RASGEF1A: variants seen among roughly 807,000 people sequenced by gnomAD.
RASGEF1A encodes the protein RasGEF domain family member 1A.
In RASGEF1A, 18 loss-of-function variants were observed where a neutral mutation model predicts 56.4. That is an observed-to-expected ratio of 0.32 (90% CI 0.22 to 0.47). The LOEUF is 0.47. Ranked by LOEUF, RASGEF1A falls within the 20% of genes least tolerant of loss-of-function variation. The pLI is 1.00. For synonymous variants in RASGEF1A, 245 were observed against 242.6 expected, an observed-to-expected ratio of 1.01 and a Z score of -0.09; for missense variants, 422 against 627.1, an observed-to-expected ratio of 0.67 and a Z score of 3.49.
At chr10:43,248,764 T>C (rs1840594735) in intron 1 of RASGEF1A, among the ~76,000 whole-genome samples, 3 of 152,224 alleles carry the variant, frequency 2.0e-5, no homozygotes, top group African/African-American at 4.8e-5. Context: ...ATGGTATTCA[T>C]TCATCCAATA....
chr10:43,254,509 G>A (rs1047652499), intron 1 of RASGEF1A, among the ~76,000 whole-genome samples: 3 of 152,194 alleles, frequency 2.0e-5, no homozygotes, highest in Admixed American at 1.3e-4. Flanking sequence ...CGGGCCTCAC[G>A]GCTGCACCGC....
chr10:43,240,321 A>C (rs1231657289), intron 1 of RASGEF1A, among the ~76,000 whole-genome samples: 2 of 152,352 alleles, frequency 1.3e-5, no homozygotes, highest in African/African-American at 4.8e-5. Flanking sequence ...CACAAAACAA[A>C]CAACCATTAC....
chr10:43,203,542 C>G, intron 2 of RASGEF1A, 122 bp from the exon 3 acceptor site: 1 of 1,392,272 alleles, frequency 7.2e-7, no homozygotes, highest in South Asian at 1.5e-5. Flanking sequence ...CGAGGCCATG[C>G]CTTCACCTGC....
chr10:43,238,915 T>C (rs1376101195), intron 1 of RASGEF1A, among the ~76,000 whole-genome samples: 1 of 152,266 alleles, frequency 6.6e-6, no homozygotes, highest in Non-Finnish European at 1.5e-5. Flanking sequence ...CTTCTGTGCA[T>C]GTGTCTGTTC....
At chr10:43,232,314 C>T (rs923942831) in intron 1 of RASGEF1A, among the ~76,000 whole-genome samples, 5 of 152,134 alleles carry the variant, frequency 3.3e-5, no homozygotes, top group Admixed American at 1.3e-4. Context: ...GCACCTCCCC[C>T]TTCTCTCTCT....
rs775833652 is a variant in RASGEF1A, at chr10:43,206,105, C to T, written c.12G>A (p.Thr4=). The T allele has an allele frequency of 1.5e-5, 24 of 1,585,486 alleles. No individual in the cohort carries two copies. The highest frequency in any genetic ancestry group is 5.5e-5 in the Admixed American group (3 of 54,762). The change falls in exon 2 of 13, where the codon ACG becomes ACA. Residue 4 remains threonine, a synonymous_variant. Transcript: ENST00000395810. ...CAAGGATGCTGGAGAAGACAACGGA[C>T]GTCTGGGGCATAGTTTCCTGGGAGA... The part of the protein sequence containing the change: MPQ[T]SVVFSSILGP...
At chr10:43,250,006 G>T (rs2460553) in intron 1 of RASGEF1A, among the ~76,000 whole-genome samples, 45,437 of 152,166 alleles carry the variant, frequency 0.3, 6,808 homozygotes, top group Non-Finnish European at 0.3. Context: ...TCACAGCAGG[G>T]TCCAGCGGCC....
intron 1 of RASGEF1A, among the ~76,000 whole-genome samples, chr10:43,263,901 C>T (rs1836578168): frequency 6.6e-6 from 1 of 152,092 alleles, no homozygotes; most frequent in Admixed American, 6.5e-5. Flanking sequence ...GCAGTCACAC[C>T]CCCACCCCGT....
intron 1 of RASGEF1A, chr10:43,229,828 GC>G (rs1024260063): frequency 9.8e-7 from 1 of 1,021,770 alleles, no homozygotes; most frequent in African/African-American, 1.7e-5. Context: ...GCTGGGGACC[GC>G]GGGGTCCGGG....
chr10:43,196,180 ATCAG>A lies in RASGEF1A; in HGVS notation c.*60_*63del. 1 of 1,536,038 alleles carries A rather than the reference ATCAG, an allele frequency of 6.5e-7. No individual in the cohort carries two copies. ...GTGAGGCCTCCTCATCTCAACCCAC[ATCAG>A]TCAAAATTTAAACCCAGTTAGTGCA... On this transcript the variant is annotated 3_prime_UTR_variant, in exon 13 of 13. Coordinates refer to ENST00000395810, the MANE Select transcript of RASGEF1A (RefSeq NM_145313.4). The surrounding 1 kb of genome is among the most constrained non-coding windows in gnomAD (Gnocchi z 4.6).
At chr10:43,217,409 C>G (rs936566434) in intron 1 of RASGEF1A, among the ~76,000 whole-genome samples, 48 of 152,238 alleles carry the variant, frequency 3.2e-4, no homozygotes, top group African/African-American at 1.1e-3. Flanking sequence ...GCTGCAGTCC[C>G]AGGCGCTGGA....
chr10:43,206,763 C>G (rs539071414), intron 1 of RASGEF1A: 1 of 986,402 alleles, frequency 1.0e-6, no homozygotes, highest in Admixed American at 6.1e-5. Context: ...GAGTGGCGAG[C>G]AGGGCCACTC....
chr10:43,196,486 T>C lies in RASGEF1A; in HGVS notation c.1411A>G (p.Lys471Glu). The stretch of plus-strand genomic sequence containing the variant: ...CTGACGCCCTCCTACCTGAGGGTCT[T>C]CCAGCTGTCTTTTTCCATGTGGTTC... ...PENHMEKDSW[K>E]TLRTTLLNRA is the part of the protein sequence containing the mutation. Residue 471 changes from lysine (K) to glutamate (E), a missense_variant, in exon 12 of 13, where the codon AAG becomes GAG. By Grantham distance (56) the Lys-to-Glu change is moderately conservative. Transcript: ENST00000395810. This position sits in a 1 kb window ranked among gnomAD's most constrained non-coding sequence, Gnocchi z 4.6. The C allele has an allele frequency of 6.2e-7, 1 of 1,613,992 alleles. No homozygotes were observed. The highest frequency in any genetic ancestry group is 8.5e-7 in the Non-Finnish European group (1 of 1,179,964).
At position 43,208,554 on chromosome 10, in the gene RASGEF1A, G is replaced by A. The variant is rs370411595; in HGVS notation, c.-6-2432C>T. 1.6e-5 allele frequency: 16 copies of A among 985,574 alleles called. No homozygotes were observed. In the African/African-American group the frequency reaches 2.8e-4, roughly 17 times the overall value. The allele number at this position is 985,574 out of a possible 1,614,324, so 61.1% of individuals were successfully genotyped here. A position where few individuals can be genotyped will look rare whatever the true frequency, so the allele number is the denominator to read the frequency against. On this transcript the variant is annotated intron_variant, in intron 1 of 12. Transcript: ENST00000395810. ...CCAGGCAAGCAGAGGTTCTGCACAT[G>A]CTCAGAATCCCTTTGGGGAGTCAGC...
chr10:43,196,387 C>T lies in RASGEF1A; in HGVS notation c.1421+89G>A. The T allele has an allele frequency of 6.4e-7, 1 of 1,555,978 alleles. No homozygotes were observed. The highest frequency in any genetic ancestry group is 8.9e-7 in the Non-Finnish European group (1 of 1,128,218). ...CCTGGACCAGGGACGCGGCAGTGCC[C>T]AGGCTCCCTTTCCAGGAGGGTAACC... is the stretch of plus-strand genomic sequence containing the variant. On this transcript the variant is annotated intron_variant, in intron 12 of 12. Transcript: ENST00000395810. This position sits in a 1 kb window ranked among gnomAD's most constrained non-coding sequence, Gnocchi z 4.6.
chr10:43,220,800 G>A (rs1213840805), intron 1 of RASGEF1A, among the ~76,000 whole-genome samples: 1 of 151,854 alleles, frequency 6.6e-6, no homozygotes, highest in African/African-American at 2.4e-5. Context: ...AAAAAAAGGG[G>A]GGGGAGTACT....
chr10:43,256,203 G>T (rs1840687430), intron 1 of RASGEF1A, among the ~76,000 whole-genome samples: 1 of 152,032 alleles, frequency 6.6e-6, no homozygotes, highest in African/African-American at 2.4e-5. Context: ...ATGCTGAGGG[G>T]GCCTGGAGCC....
At position 43,198,166 on chromosome 10, in the gene RASGEF1A, G is replaced by A; in HGVS notation, c.1062C>T (p.Cys354=). ...CCCCCTGCAGGGCTGTACGGTAGTTGCAGAAGTTGCTGGACGGGTCCATGT... is the reference window on the plus strand; with the variant it reads ...CCCCCTGCAGGGCTGTACGGTAGTTACAGAAGTTGCTGGACGGGTCCATGT... ...EHHMDPSSNF[C]NYRTALQGAT... is the part of the protein sequence containing the mutation. Residue 354 remains cysteine (C), a synonymous_variant, in exon 10 of 13, where the codon TGC becomes TGT. Transcript: ENST00000395810. The A allele has an allele frequency of 1.2e-6, 2 of 1,613,452 alleles. No individual in the cohort carries two copies. Among genetic ancestry groups the A allele is most frequent in the South Asian group, 1.1e-5 (1 of 91,066 alleles).
chr10:43,196,629 C>A lies in RASGEF1A; in HGVS notation c.1349-81G>T, dbSNP rs902274263. On this transcript the variant is annotated intron_variant, in intron 11 of 12. Transcript: ENST00000395810. The surrounding 1 kb of genome is among the most constrained non-coding windows in gnomAD (Gnocchi z 4.6). ...CCCAGCTGTCCCTTCAGGAGTACAG[C>A]CCAGCACAAGGGGACAGTGACCTCT... 18 of 1,313,176 alleles carry A rather than the reference C, an allele frequency of 1.4e-5. No homozygotes were observed. Among genetic ancestry groups the A allele is most frequent in the Non-Finnish European group, 1.7e-5 (16 of 916,830 alleles). The allele number at this position is 1,313,176 out of a possible 1,614,324, so 81.3% of individuals were successfully genotyped here.
Sources: gnomAD v4.1 joint callset for allele counts (sites outside exome capture counted in the v4.1 genomes callset) on GRCh38, gnomAD v4.1.1 for gene constraint, Gnocchi (gnomAD v3.1) non-coding constraint, MANE v1.5 for transcripts, NCBI Gene and HGNC (gene_info 2026-07-23, HGNC 2026-07-21) for gene names.